The following GABRG3 variants were observed in gnomAD, a reference collection of about 807,000 sequenced individuals.
The protein encoded by GABRG3 is gamma-aminobutyric acid receptor subunit gamma-3.
A neutral mutation model predicts 48.8 loss-of-function variants in GABRG3; 25 were observed. That is an observed-to-expected ratio of 0.51 (90% CI 0.37 to 0.72). GABRG3 has a LOEUF of 0.72. GABRG3 is among the 30% of genes least tolerant of loss of function. GABRG3 has a pLI of 0.00. For synonymous variants in GABRG3, 227 were observed against 217.6 expected (o/e 1.04, Z -0.38); for missense variants, 394 against 577.9 (o/e 0.68, Z 3.26).
rs1894943918 is a variant in GABRG3 at position 26,976,343 on chromosome 15, C to G, written c.54-659C>G. Among the ~76,000 whole-genome samples, 1 of 152,214 alleles carries G rather than the reference C, an allele frequency of 6.6e-6. No homozygotes were observed. Among genetic ancestry groups the G allele is most frequent in the Middle Eastern group, 3.2e-3 (1 of 316 alleles). On this transcript the variant is annotated intron_variant, in intron 1 of 9. Transcript: ENST00000615808. The surrounding 1 kb of genome is among the most constrained non-coding windows in gnomAD (Gnocchi z 7.8). Reference sequence around the variant, plus strand: ...TTCATGTCTGTGTTAGCCTGCTGTGCAGGAGATGAATCAGTTTGTGTTGAC... The same window carrying G: ...TTCATGTCTGTGTTAGCCTGCTGTGGAGGAGATGAATCAGTTTGTGTTGAC...
intron 3 of GABRG3, among the ~76,000 whole-genome samples, chr15:27,125,297 C>T (rs1451115799): frequency 6.6e-6 from 1 of 151,826 alleles, no homozygotes; most frequent in Non-Finnish European, 1.5e-5. Flanking sequence ...AAAGAAAAAA[C>T]TTGAGCTTTC....
At chr15:26,984,242 G>T (rs527927753) in intron 2 of GABRG3, among the ~76,000 whole-genome samples, 1 of 151,806 alleles carries the variant, frequency 6.6e-6, no homozygotes, top group Non-Finnish European at 1.5e-5. Flanking sequence ...CCTCTAGGGC[G>T]CTGTTTCCAA....
chr15:27,031,210 C>G (rs935683971), intron 3 of GABRG3, among the ~76,000 whole-genome samples: 3 of 152,148 alleles, frequency 2.0e-5, no homozygotes, highest in Middle Eastern at 3.2e-3. Context: ...AGGATTCACT[C>G]TTGGTGTTGT....
intron 3 of GABRG3, among the ~76,000 whole-genome samples, chr15:27,202,637 C>T (rs1430133752): frequency 6.6e-6 from 1 of 152,046 alleles, no homozygotes; most frequent in Non-Finnish European, 1.5e-5. Flanking sequence ...CATATTATTG[C>T]TTTATATTGC....
At chr15:27,185,696 C>T (rs78268661) in intron 3 of GABRG3, among the ~76,000 whole-genome samples, 2,723 of 152,058 alleles carry the variant, frequency 0.018, 86 homozygotes, top group African/African-American at 0.061. Flanking sequence ...GTTTTTGCTT[C>T]ATGTATTTTG....
At chr15:27,391,986 T>C (rs1887146414) in intron 5 of GABRG3, among the ~76,000 whole-genome samples, 1 of 152,224 alleles carries the variant, frequency 6.6e-6, no homozygotes, top group Non-Finnish European at 1.5e-5. Flanking sequence ...TAATTCTCAG[T>C]CCTGGTACAT....
intron 3 of GABRG3, among the ~76,000 whole-genome samples, chr15:27,160,189 T>TA (rs1172038798): frequency 2.0e-5 from 3 of 152,172 alleles, no homozygotes; most frequent in Non-Finnish European, 4.4e-5. Context: ...GCATGGAAGG[T>TA]AACTTTGTGA....
At chr15:27,327,795 C>T (rs28368832) in intron 4 of GABRG3, among the ~76,000 whole-genome samples, 15,178 of 152,122 alleles carry the variant, frequency 0.1, 1,889 homozygotes, top group African/African-American at 0.29. Flanking sequence ...CTCACTGCCC[C>T]GGGGCACAGG....
At chr15:27,211,976 C>T (rs1307167650) in intron 3 of GABRG3, among the ~76,000 whole-genome samples, 1 of 152,196 alleles carries the variant, frequency 6.6e-6, no homozygotes, top group African/African-American at 2.4e-5. Context: ...AGCCTGGAGG[C>T]CGACCCAGCT....
intron 3 of GABRG3, among the ~76,000 whole-genome samples, chr15:27,161,674 C>T (rs1024384860): frequency 1.3e-4 from 19 of 151,904 alleles, no homozygotes; most frequent in African/African-American, 4.1e-4. Flanking sequence ...TATTAGCATT[C>T]ACATTTTGGT....
intron 2 of GABRG3, among the ~76,000 whole-genome samples, chr15:27,021,675 T>C (rs911596119): frequency 2.0e-5 from 3 of 151,982 alleles, no homozygotes; most frequent in Non-Finnish European, 4.4e-5. Context: ...ACTCTATTTC[T>C]ACAAAAAAAA....
At chr15:27,452,824 C>T (rs900053901) in intron 5 of GABRG3, among the ~76,000 whole-genome samples, 5 of 152,048 alleles carry the variant, frequency 3.3e-5, no homozygotes, top group East Asian at 1.9e-4. Context: ...ATCAGTATGC[C>T]GAAGAGGTAG....
chr15:27,088,430 C>T (rs940395477), intron 3 of GABRG3, among the ~76,000 whole-genome samples: 19 of 152,204 alleles, frequency 1.2e-4, no homozygotes, highest in African/African-American at 4.6e-4. Context: ...GCCCCAGGGG[C>T]TTTACTCTGG....
intron 6 of GABRG3, among the ~76,000 whole-genome samples, chr15:27,501,199 C>T (rs531704474): frequency 6.6e-6 from 1 of 152,234 alleles, no homozygotes; most frequent in Admixed American, 6.5e-5. Flanking sequence ...GATCTGCCCA[C>T]CTTGGCCTCC....
intron 2 of GABRG3, among the ~76,000 whole-genome samples, chr15:26,991,710 T>C (rs1018719764): frequency 3.9e-5 from 6 of 152,046 alleles, no homozygotes; most frequent in African/African-American, 9.7e-5. Context: ...TTAATATTTC[T>C]TTTCTTTTCT....
chr15:27,306,547 A>C (rs1246739969), intron 3 of GABRG3, among the ~76,000 whole-genome samples: 1 of 136,830 alleles, frequency 7.3e-6, no homozygotes, highest in East Asian at 2.2e-4. Context: ...CATATAATAT[A>C]AACATATATA....
At chr15:27,207,253 T>A (rs1257836982) in intron 3 of GABRG3, among the ~76,000 whole-genome samples, 1 of 152,178 alleles carries the variant, frequency 6.6e-6, no homozygotes, top group African/African-American at 2.4e-5. Context: ...ACCCTTGTAA[T>A]TTTGCAAATG....
chr15:27,203,475 G>A (rs1157163211), intron 3 of GABRG3, among the ~76,000 whole-genome samples: 1 of 151,952 alleles, frequency 6.6e-6, no homozygotes, highest in Non-Finnish European at 1.5e-5. Flanking sequence ...CATGTTTTTG[G>A]CATTGTGAAT....
At chr15:27,077,322 T>G (rs773055492) in intron 3 of GABRG3, among the ~76,000 whole-genome samples, 2 of 152,164 alleles carry the variant, frequency 1.3e-5, no homozygotes, top group African/African-American at 4.8e-5. Flanking sequence ...TTTCTTCAGA[T>G]GACAATTAGG....
Sources: gnomAD v4.1 joint callset for allele counts (sites outside exome capture counted in the v4.1 genomes callset) on GRCh38, gnomAD v4.1.1 for gene constraint, Gnocchi (gnomAD v3.1) non-coding constraint, MANE v1.5 for transcripts, NCBI Gene and HGNC (gene_info 2026-07-23, HGNC 2026-07-21) for gene names.